Variants in DCST1 observed in about 807,000 individuals in gnomAD.
DCST1 encodes the protein DC-STAMP domain containing 1.
DCST1 carries 78 observed loss-of-function variants against 89.1 expected under a neutral mutation model. The ratio of observed to expected loss-of-function variants is 0.88; its 90% CI spans 0.73 to 1.06. The LOEUF (loss-of-function observed/expected upper bound fraction) is 1.06. Ranked by LOEUF, DCST1 falls within the 50% of genes least tolerant of loss-of-function variation. The pLI is 0.00. For synonymous variants in DCST1, 364 were observed against 371.9 expected, an observed-to-expected ratio of 0.98 and a Z score of 0.24; for missense variants, 900 against 928.6, an observed-to-expected ratio of 0.97 and a Z score of 0.40.
intron 10 of DCST1, among the ~76,000 whole-genome samples, chr1:155,044,618 G>A (rs1176192521): frequency 6.6e-6 from 1 of 152,146 alleles, no homozygotes; most frequent in Admixed American, 6.5e-5. Flanking sequence ...CCCTTGGAAG[G>A]GCAATAACTG....
At chr1:155,043,246 C>T (rs983476461) in intron 9 of DCST1, 106 bp from the exon 10 acceptor site, 11 of 1,531,680 alleles carry the variant, frequency 7.2e-6, no homozygotes, top group Non-Finnish European at 8.0e-6. Flanking sequence ...CCTGGGAGGG[C>T]CCCAGGGACA....
At chr1:155,045,790 C>A in intron 10 of DCST1, 103 bp from the exon 11 acceptor site, 1 of 936,676 alleles carries the variant, frequency 1.1e-6, no homozygotes, top group Non-Finnish European at 1.7e-6. Context: ...TCAATGAATG[C>A]TGGCTGGTTG....
At position 155,050,859 on chromosome 1, in the gene DCST1, C is replaced by G. The variant is rs778257926; in HGVS notation, c.2112C>G (p.Tyr704Ter). 1 of 1,609,796 alleles carries G rather than the reference C, an allele frequency of 6.2e-7. No individual in the cohort carries two copies. Among genetic ancestry groups the G allele is most frequent in the Non-Finnish European group, 8.5e-7 (1 of 1,177,014 alleles). ...GTGACAGCAACGACGACACTGCCTA[C>G]GCGGGGTGAAGAGGCGTCCTGCTCG... ...AFSDSNDDTAYAG is the reference protein window; with the variant it reads ...AFSDSNDDTA The change falls in exon 17 of 17, where the codon TAC (tyrosine) becomes TAG (stop). Residue 704 changes from tyrosine to a stop codon, truncating the protein, a stop_gained. Coordinates refer to ENST00000295542, the MANE Select transcript of DCST1 (RefSeq NM_152494.4). LOFTEE classifies it high-confidence loss of function.
chr1:155,041,791 G>A lies in DCST1; in HGVS notation c.826G>A (p.Val276Ile), dbSNP rs376822663. The part of the protein sequence containing the change: ...KHEQCMKHIW[V>I]PLLTHLLCLP... Reference sequence around the variant, plus strand: ...TGAACAGTGCATGAAGCACATCTGGGTCCCACTCCTCACCCACCTGCTCTG... The same window carrying A: ...TGAACAGTGCATGAAGCACATCTGGATCCCACTCCTCACCCACCTGCTCTG... Residue 276 changes from valine to isoleucine, a missense_variant, in exon 8 of 17, where the codon GTC (valine) becomes ATC (isoleucine). Transcript: ENST00000295542. The A allele has an allele frequency of 3.7e-6, 6 of 1,614,112 alleles. No homozygotes were observed. The highest frequency in any genetic ancestry group is 1.3e-5 in the African/African-American group (1 of 74,924).
chr1:155,040,091 A>T (rs1660392289), intron 5 of DCST1, among the ~76,000 whole-genome samples: 1 of 149,830 alleles, frequency 6.7e-6, no homozygotes, highest in African/African-American at 2.5e-5. Context: ...TCACGAAGTC[A>T]GGAGTTCGAC....
chr1:155,048,241 C>T, intron 16 of DCST1, 71 bp downstream of exon 16: 1 of 1,251,906 alleles, frequency 8.0e-7, no homozygotes, highest in Non-Finnish European at 1.2e-6. Flanking sequence ...GGGCAGCTCC[C>T]TTCAGTCCAC....
rs768626005 is a variant in DCST1, at chr1:155,045,942, A to G, written c.1222A>G (p.Ile408Val). ...SYNHDIRFDNIYISTYFCQID... is the reference protein window; with the variant it reads ...SYNHDIRFDNVYISTYFCQID... ...TAACCATGACATTCGTTTTGACAAC[A>G]TCTACATCAGTACCTACTTCTGCCA... Residue 408 changes from isoleucine (I) to valine (V), a missense_variant, in exon 11 of 17, where the codon ATC (isoleucine) becomes GTC (valine). Transcript: ENST00000295542. 2.5e-6 allele frequency: 4 copies of G among 1,614,112 alleles called. No individual in the cohort carries two copies. The highest frequency in any genetic ancestry group is 2.5e-6 in the Non-Finnish European group (3 of 1,180,048).
At chr1:155,039,801 C>G (rs1215599064) in intron 5 of DCST1, among the ~76,000 whole-genome samples, 2 of 151,130 alleles carry the variant, frequency 1.3e-5, no homozygotes, top group African/African-American at 2.4e-5. Context: ...GAGTTCAAGA[C>G]CAGCCATGGT....
chr1:155,040,542 C>G lies in DCST1; in HGVS notation c.449C>G (p.Thr150Ser), dbSNP rs1239549142. ...AACGTGATCGCATCGCTGGGCTGCA[C>G]CGTGGAGCTGCAGATCAACAACACC... ...LNNVIASLGC[T>S]VELQINNTRA... The change falls in exon 6 of 17, where the codon ACC becomes AGC. Residue 150 changes from threonine to serine, a missense_variant. Physicochemically the swap from Thr to Ser is moderately conservative, Grantham distance 58 (BLOSUM62 1). Coordinates refer to ENST00000295542, the MANE Select transcript of DCST1 (RefSeq NM_152494.4). 1.3e-6 allele frequency: 2 copies of G among 1,593,136 alleles called. No homozygotes were observed. The highest frequency in any genetic ancestry group is 1.1e-5 in the South Asian group (1 of 87,750).
intron 16 of DCST1, chr1:155,049,063 C>T (rs1170960883): frequency 1.4e-6 from 1 of 717,452 alleles, no homozygotes; most frequent in Non-Finnish European, 2.6e-6. Context: ...GGCCTGCTCA[C>T]TGGAGATCAG....
At chr1:155,040,733 C>A (rs777857319) in intron 6 of DCST1, 109 bp downstream of exon 6, 51 of 1,428,428 alleles carry the variant, frequency 3.6e-5, no homozygotes, top group Non-Finnish European at 4.2e-5. Flanking sequence ...GGGGATACTA[C>A]TGGCATTTTT....
At chr1:155,036,898 G>A (rs1369695308) in intron 4 of DCST1, among the ~76,000 whole-genome samples, 7 of 152,228 alleles carry the variant, frequency 4.6e-5, no homozygotes, top group Non-Finnish European at 7.3e-5. Flanking sequence ...GAGTGCACAC[G>A]TCCGTGCCCT....
At chr1:155,034,822 G>C (rs1660223722) in intron 4 of DCST1, 95 bp downstream of exon 4, 2 of 1,351,638 alleles carry the variant, frequency 1.5e-6, no homozygotes, top group Non-Finnish European at 2.1e-6. Context: ...TGTTTCTTCT[G>C]TACCCATACA....
rs538473960 is a variant in DCST1, at chr1:155,040,358, T to C, written c.392-127T>C. The C allele has an allele frequency of 1.3e-4, 134 of 1,001,948 alleles. 1 individual carries two copies. In the African/African-American group the frequency reaches 2.0e-3, roughly 15 times the overall value. 62.1% of individuals were successfully genotyped at this position (1,001,948 alleles called of 1,614,324 possible). The stretch of plus-strand genomic sequence containing the variant: ...ATCAAAGGTTGAACAAGTTGACCTT[T>C]CATAGGCTCTCGGCCCCACCACTGT... On this transcript the variant is annotated intron_variant, in intron 5 of 16. Transcript: ENST00000295542.
intron 1 of DCST1, 30 bp downstream of exon 1, chr1:155,033,884 C>T (rs184506458): frequency 3.4e-5 from 43 of 1,279,034 alleles, no homozygotes; most frequent in Admixed American, 1.6e-4. Flanking sequence ...CCCCACTTCT[C>T]GGAGCAGAAG....
At chr1:155,042,636 A>C (rs995921279) in intron 8 of DCST1, 99 bp from the exon 9 acceptor site, 134 of 1,547,178 alleles carry the variant, frequency 8.7e-5, no homozygotes, top group Non-Finnish European at 1.2e-4. Flanking sequence ...AGAGAGACAA[A>C]AAAGCAGGAT....
rs1660630456 is a variant in DCST1 at position 155,046,412 on chromosome 1, G to A, written c.1421G>A (p.Cys474Tyr). The change falls in exon 13 of 17, where the codon TGT becomes TAT. Residue 474 changes from cysteine to tyrosine, a missense_variant. Transcript: ENST00000295542. ...LPILLLLVVL[C>Y]GLDWALYSIF... ...ATTCTGCTGCTGCTGGTGGTGCTGTGTGGCTTGGACTGGGCTCTCTACTCC... is the reference window on the plus strand; with the variant it reads ...ATTCTGCTGCTGCTGGTGGTGCTGTATGGCTTGGACTGGGCTCTCTACTCC... The A allele has an allele frequency of 6.2e-7, 1 of 1,614,006 alleles. No homozygotes were observed. Among genetic ancestry groups the A allele is most frequent in the South Asian group, 1.1e-5 (1 of 91,072 alleles).
chr1:155,048,227 C>G, intron 16 of DCST1, 57 bp downstream of exon 16: 1 of 1,408,884 alleles, frequency 7.1e-7, no homozygotes, highest in Non-Finnish European at 1.0e-6. Context: ...GTACAGCAGG[C>G]AAGGGGCAGC....
Position 155,039,433 on chromosome 1 carries a change from CTCACA to C in DCST1, c.296_300del (p.His99ProfsTer79). ...GGGGCCATGGGCTGGGGGACCTCCC[CTCACA>C]TCCGCTGTGCCAGCCTCCTACTAGT... is the stretch of plus-strand genomic sequence containing the variant. On this transcript the variant is annotated frameshift_variant, in exon 5 of 17. Coordinates refer to ENST00000295542, the MANE Select transcript of DCST1 (RefSeq NM_152494.4). LOFTEE classifies it high-confidence loss of function. 1 of 1,597,666 alleles carries C rather than the reference CTCACA, an allele frequency of 6.3e-7. No individual in the cohort carries two copies. The highest frequency in any genetic ancestry group is 1.1e-5 in the South Asian group (1 of 87,924).
Sources: allele counts gnomAD v4.1 joint callset (sites outside exome capture counted in the v4.1 genomes callset), GRCh38; gene constraint gnomAD v4.1.1; transcripts MANE v1.5; gene names NCBI Gene and HGNC (gene_info 2026-07-23, HGNC 2026-07-21).